CEP112: variants seen among roughly 807,000 people sequenced by gnomAD.
The protein encoded by CEP112 is centrosomal protein of 112 kDa.
Under a neutral mutation model 153.0 loss-of-function variants are expected in CEP112, and 127 were observed. The ratio of observed to expected loss-of-function variants is 0.83; its 90% CI spans 0.72 to 0.96. CEP112 has a LOEUF of 0.96. Ranked by LOEUF, CEP112 falls within the 40% of genes least tolerant of loss-of-function variation. CEP112 has a pLI of 0.00. For synonymous variants in CEP112, 358 were observed against 374.4 expected (o/e 0.96, Z 0.51); for missense variants, 1,089 against 1,101.2 (o/e 0.99, Z 0.16).
chr17:66,001,054 T>C (rs1242884936), intron 17 of CEP112, among the ~76,000 whole-genome samples: 1 of 152,132 alleles, frequency 6.6e-6, no homozygotes. Context: ...CCTAGTTGGG[T>C]TCTATCATTA....
chr17:66,068,285 A>G (rs1289234954), intron 9 of CEP112, among the ~76,000 whole-genome samples: 1 of 152,100 alleles, frequency 6.6e-6, no homozygotes, highest in African/African-American at 2.4e-5. Flanking sequence ...AACAAGAACA[A>G]CAGAAAAGAA....
intron 16 of CEP112, among the ~76,000 whole-genome samples, chr17:66,021,555 C>T (rs1211204362): frequency 6.6e-6 from 1 of 152,156 alleles, no homozygotes; most frequent in Admixed American, 6.5e-5. Context: ...GTGTGAGCCC[C>T]CTCAGGTCTG....
intron 21 of CEP112, among the ~76,000 whole-genome samples, chr17:65,752,162 T>A (rs1205565700): frequency 6.6e-6 from 1 of 152,186 alleles, no homozygotes; most frequent in Non-Finnish European, 1.5e-5. Context: ...TTCCCTTTGT[T>A]TATTTACTTT....
intron 24 of CEP112, among the ~76,000 whole-genome samples, chr17:65,652,671 GATT>G (rs1211049555): frequency 6.6e-6 from 1 of 152,034 alleles, no homozygotes; most frequent in Non-Finnish European, 1.5e-5. Context: ...AGTATCTGTG[GATT>G]GAGAAAGTAC....
At chr17:65,645,229 T>G (rs901743660) in intron 24 of CEP112, among the ~76,000 whole-genome samples, 9 of 152,072 alleles carry the variant, frequency 5.9e-5, no homozygotes, top group Admixed American at 5.2e-4. Context: ...TATTATTACT[T>G]TTATTTTCAT....
At chr17:66,133,237 CT>C (rs1174539349) in intron 4 of CEP112, among the ~76,000 whole-genome samples, 1 of 152,078 alleles carries the variant, frequency 6.6e-6, no homozygotes, top group Non-Finnish European at 1.5e-5. Context: ...GTATTTAAAT[CT>C]TTTCTCCTCC....
At chr17:65,852,073 A>T in intron 20 of CEP112, 39 bp from the exon 21 acceptor site, 1 of 1,419,426 alleles carries the variant, frequency 7.0e-7, no homozygotes, top group South Asian at 1.3e-5. Flanking sequence ...GAAGATATCA[A>T]TAGGGAAGTC....
intron 20 of CEP112, among the ~76,000 whole-genome samples, chr17:65,868,965 G>A (rs1299705205): frequency 6.6e-6 from 1 of 152,142 alleles, no homozygotes; most frequent in African/African-American, 2.4e-5. Flanking sequence ...ATTTGAACAC[G>A]TGTTCTCATA....
At chr17:66,136,133 A>G (rs1410756259) in intron 4 of CEP112, among the ~76,000 whole-genome samples, 1 of 152,166 alleles carries the variant, frequency 6.6e-6, no homozygotes, top group Non-Finnish European at 1.5e-5. Flanking sequence ...AGGTTACTTA[A>G]GGGACTTGTT....
chr17:66,118,174 G>A, intron 6 of CEP112, among the ~76,000 whole-genome samples: 1 of 152,088 alleles, frequency 6.6e-6, no homozygotes, highest in East Asian at 1.9e-4. Flanking sequence ...ACATCCAAAA[G>A]AAAGGAAATC....
chr17:65,920,613 T>G (rs2144055122), intron 19 of CEP112, among the ~76,000 whole-genome samples: 1 of 151,050 alleles, frequency 6.6e-6, no homozygotes, highest in East Asian at 2.0e-4. Flanking sequence ...CAGAGAGATA[T>G]GCAATCCTCC....
Position 65,902,193 on chromosome 17 carries a change from G to A in CEP112, c.2122C>T (p.His708Tyr). 1.2e-6 allele frequency: 2 copies of A among 1,613,592 alleles called. No homozygotes were observed. The highest frequency in any genetic ancestry group is 1.7e-6 in the Non-Finnish European group (2 of 1,179,870). ...EKQLRAANME[H>Y]ENQIQEFKKR... Reference sequence around the variant, plus strand: ...TTGAACTCCTGAATTTGATTTTCGTGCTCCATATTGGCAGCGCGAAGCTGT... The same window carrying A: ...TTGAACTCCTGAATTTGATTTTCGTACTCCATATTGGCAGCGCGAAGCTGT... Residue 708 changes from histidine (H) to tyrosine (Y), a missense_variant, in exon 20 of 27, where the codon CAC becomes TAC. His to Tyr is a moderately conservative substitution (Grantham distance 83). Transcript: ENST00000535342.
intron 8 of CEP112, among the ~76,000 whole-genome samples, chr17:66,076,873 A>C (rs1452046646): frequency 6.6e-6 from 1 of 152,136 alleles, no homozygotes; most frequent in Non-Finnish European, 1.5e-5. Flanking sequence ...AGTTCACATC[A>C]CAGGACTCTG....
intron 6 of CEP112, among the ~76,000 whole-genome samples, chr17:66,122,250 T>C (rs1195197455): frequency 6.6e-6 from 1 of 152,156 alleles, no homozygotes; most frequent in Non-Finnish European, 1.5e-5. Flanking sequence ...TTGAACACAT[T>C]TATAATGGCT....
Position 66,030,042 on chromosome 17 carries a change from G to T in CEP112, c.1219-19C>A, listed in dbSNP as rs2065397220. ...TGTGGTTCTAAAAGAACAGGTCATG[G>T]TTAAGAAAGTCTCTGACTCAGTTGT... On this transcript the variant is annotated intron_variant, in intron 12 of 26. Transcript: ENST00000535342. The T allele has an allele frequency of 6.2e-7, 1 of 1,605,646 alleles. No homozygotes were observed. Among genetic ancestry groups the T allele is most frequent in the Admixed American group, 1.7e-5 (1 of 58,602 alleles).
intron 16 of CEP112, among the ~76,000 whole-genome samples, chr17:66,008,842 T>C (rs1424990369): frequency 1.3e-5 from 2 of 149,266 alleles, no homozygotes; most frequent in Non-Finnish European, 3.0e-5. Context: ...ATTTTCTTTT[T>C]TAAGGCTGCA....
At chr17:66,181,637 G>A (rs978871851) in intron 2 of CEP112, among the ~76,000 whole-genome samples, 4 of 152,136 alleles carry the variant, frequency 2.6e-5, no homozygotes, top group South Asian at 4.1e-4. Context: ...TTACAGGCAT[G>A]AGCCACCGCG....
intron 17 of CEP112, among the ~76,000 whole-genome samples, chr17:66,000,146 C>T (rs1348503491): frequency 6.6e-6 from 1 of 151,942 alleles, no homozygotes; most frequent in African/African-American, 2.4e-5. Flanking sequence ...GAGGAATTGC[C>T]ACACTGTCTT....
chr17:65,782,488 G>T (rs1235830120), intron 21 of CEP112, among the ~76,000 whole-genome samples: 1 of 152,056 alleles, frequency 6.6e-6, no homozygotes, highest in Non-Finnish European at 1.5e-5. Context: ...CCCATTACTG[G>T]GTATACAACC....
Sources: gnomAD v4.1 joint callset for allele counts (sites outside exome capture counted in the v4.1 genomes callset) on GRCh38, gnomAD v4.1.1 for gene constraint, MANE v1.5 for transcripts, NCBI Gene and HGNC (gene_info 2026-07-23, HGNC 2026-07-21) for gene names.